The following IGF1R variants were observed in gnomAD, a reference collection of about 807,000 sequenced individuals.
IGF1R encodes insulin-like growth factor 1 receptor.
Under a neutral mutation model 144.6 loss-of-function variants are expected in IGF1R, and 44 were observed. That is an observed-to-expected ratio of 0.30 (90% CI 0.24 to 0.39). The LOEUF (loss-of-function observed/expected upper bound fraction) is 0.39, where lower values mean the gene tolerates loss of function less well. Among genes scored for constraint, IGF1R ranks in the 10% least tolerant of loss-of-function variants. The probability of loss-of-function intolerance (pLI) is 1.00; values close to 1 mark genes in which losing one functional copy is unlikely to be tolerated. For synonymous variants in IGF1R, 795 were observed against 722.8 expected, an observed-to-expected ratio of 1.10 and a Z score of -1.60; for missense variants, 1,355 against 1,833.7, an observed-to-expected ratio of 0.74 and a Z score of 4.77.
chr15:98,831,597 C>T (rs75745937), intron 2 of IGF1R, among the ~76,000 whole-genome samples: 52 of 152,262 alleles, frequency 3.4e-4, no homozygotes, highest in Admixed American at 1.2e-3. Flanking sequence ...AGAGAAAAAC[C>T]TAACAAATTT....
chr15:98,917,137 C>A (rs1197541222), intron 10 of IGF1R, among the ~76,000 whole-genome samples: 2 of 152,174 alleles, frequency 1.3e-5, no homozygotes, highest in East Asian at 1.9e-4. Flanking sequence ...CACAACCCCC[C>A]ACAGAGAGCA....
At chr15:98,838,645 G>T (rs2011126840) in intron 2 of IGF1R, among the ~76,000 whole-genome samples, 1 of 152,206 alleles carries the variant, frequency 6.6e-6, no homozygotes, top group Admixed American at 6.5e-5. Context: ...GATCTAATCA[G>T]GGTATTAACC....
At chr15:98,685,042 A>G (rs1020119942) in intron 1 of IGF1R, among the ~76,000 whole-genome samples, 2 of 151,140 alleles carry the variant, frequency 1.3e-5, no homozygotes, top group South Asian at 4.2e-4. Flanking sequence ...TCCCAGGCTC[A>G]AGGGATCCTC....
intron 1 of IGF1R, among the ~76,000 whole-genome samples, chr15:98,663,547 G>A (rs1225111661): frequency 6.6e-6 from 1 of 152,240 alleles, no homozygotes; most frequent in African/African-American, 2.4e-5. Flanking sequence ...CCCTCCTATT[G>A]TGTTCCTCTC....
rs5814913 is a variant in IGF1R at position 98,934,115 on chromosome 15, C to CT, written c.2957-693dup. ...GTATTAAAGTTACCTAAATATTTCACTTTTTTTTTTTTTTTTGTCTAATCT... is the reference window on the plus strand; with the variant it reads ...GTATTAAAGTTACCTAAATATTTCACTTTTTTTTTTTTTTTTTGTCTAATCT... On this transcript the variant is annotated intron_variant, in intron 15 of 20. Coordinates refer to ENST00000650285, the MANE Select transcript of IGF1R (RefSeq NM_000875.5). Among the ~76,000 whole-genome samples, 283 of 137,530 alleles carry CT rather than the reference C, an allele frequency of 2.1e-3. 1 individual carries two copies. Among genetic ancestry groups the CT allele is most frequent in the African/African-American group, 2.9e-3 (110 of 37,876 alleles). The allele number at this position is 137,530 out of a possible 152,430, so 90.2% of individuals were successfully genotyped here.
At chr15:98,749,418 A>G (rs2054950297) in intron 2 of IGF1R, among the ~76,000 whole-genome samples, 1 of 152,170 alleles carries the variant, frequency 6.6e-6, no homozygotes, top group African/African-American at 2.4e-5. Context: ...TCTTAGAAGT[A>G]TGTTTACCAG....
intron 2 of IGF1R, among the ~76,000 whole-genome samples, chr15:98,852,518 C>T (rs1198964743): frequency 6.6e-6 from 1 of 152,184 alleles, no homozygotes; most frequent in African/African-American, 2.4e-5. Context: ...AAGTGGGCAT[C>T]CCGCAAGGAT....
rs139163109 is a variant in IGF1R, at chr15:98,649,030, C to CAGGAGGAGGAGG, written c.-545_-534dup. On this transcript the variant is annotated 5_prime_UTR_variant, in exon 1 of 21. Transcript: ENST00000650285. Reference sequence around the variant, plus strand: ...GGGAGGAGGCGGCGGCGAGCGGAGCCAGGAGGAGGAGGAGGAGGGGGAGCC... The same window carrying CAGGAGGAGGAGG: ...GGGAGGAGGCGGCGGCGAGCGGAGCCAGGAGGAGGAGGAGGAGGAGGAGGAGGAGGGGGAGCC... The CAGGAGGAGGAGG allele has an allele frequency of 5.7e-5, 12 of 209,900 alleles. No individual in the cohort carries two copies. Among genetic ancestry groups the CAGGAGGAGGAGG allele is most frequent in the Admixed American group, 5.4e-4 (9 of 16,814 alleles). 13.0% of individuals were successfully genotyped at this position (209,900 alleles called of 1,614,324 possible).
chr15:98,778,676 A>C (rs1334420397), intron 2 of IGF1R, among the ~76,000 whole-genome samples: 2 of 152,198 alleles, frequency 1.3e-5, no homozygotes, highest in Non-Finnish European at 2.9e-5. Context: ...GTGAGAAAGT[A>C]AGGCTGCTCC....
chr15:98,896,108 T>C (rs2014181003), intron 3 of IGF1R, among the ~76,000 whole-genome samples: 2 of 152,218 alleles, frequency 1.3e-5, no homozygotes, highest in South Asian at 4.1e-4. Flanking sequence ...GGAAACCCCT[T>C]GCTTTTATTG....
At chr15:98,668,884 C>A (rs942617760) in intron 1 of IGF1R, among the ~76,000 whole-genome samples, 3 of 152,218 alleles carry the variant, frequency 2.0e-5, no homozygotes, top group African/African-American at 7.2e-5. Context: ...ACTGCTGCAG[C>A]CCGCTTCAGA....
intron 1 of IGF1R, among the ~76,000 whole-genome samples, chr15:98,658,487 G>A (rs57907761): frequency 0.01 from 1,523 of 152,248 alleles, 16 homozygotes; most frequent in African/African-American, 0.035. Flanking sequence ...GAAAACCAAA[G>A]TCAGAAAAAT....
intron 2 of IGF1R, among the ~76,000 whole-genome samples, chr15:98,724,664 G>A (rs1015846951): frequency 3.9e-5 from 6 of 152,214 alleles, no homozygotes; most frequent in African/African-American, 1.4e-4. Context: ...AGGAGGTGAT[G>A]ACTGGAGCAC....
chr15:98,939,166 A>C, intron 17 of IGF1R, 35 bp from the exon 18 acceptor site: 5 of 1,604,038 alleles, frequency 3.1e-6, no homozygotes, highest in Non-Finnish European at 4.3e-6. Flanking sequence ...AAAAAATCCA[A>C]AATTCTCATG....
rs1204609633 is a variant in IGF1R at position 98,887,375 on chromosome 15, A to G, written c.641-3950A>G. On this transcript the variant is annotated intron_variant, in intron 2 of 20. Transcript: ENST00000650285. ...AAAATCCCGGCATTGATATTTAGGT[A>G]TAACTATTTGCAAGCAAGTGCAGAG... 2.0e-5 allele frequency among the ~76,000 whole-genome samples: 3 copies of G among 151,918 alleles called. No individual in the cohort carries two copies. In the East Asian group the frequency reaches 5.8e-4, roughly 29 times the overall value.
intron 2 of IGF1R, among the ~76,000 whole-genome samples, chr15:98,728,402 A>G (rs2054417619): frequency 6.6e-6 from 1 of 152,168 alleles, no homozygotes; most frequent in African/African-American, 2.4e-5. Flanking sequence ...GACCCCGGTT[A>G]AGGGGACAGC....
chr15:98,649,233 GC>G lies in IGF1R; in HGVS notation c.-344del, dbSNP rs900879140. On this transcript the variant is annotated 5_prime_UTR_variant, in exon 1 of 21. Coordinates refer to ENST00000650285, the MANE Select transcript of IGF1R (RefSeq NM_000875.5). ...CCTCGCCTAGGCAGATTTGGGCTTT[GC>G]CCCCTTTCTTTGCAGTTTTCCCCCC... 3 of 218,450 alleles carry G rather than the reference GC, an allele frequency of 1.4e-5. No homozygotes were observed. Among genetic ancestry groups the G allele is most frequent in the African/African-American group, 2.3e-5 (1 of 44,318 alleles). The allele number at this position is 218,450 out of a possible 1,614,324, so 13.5% of individuals were successfully genotyped here. A position where few individuals can be genotyped will look rare whatever the true frequency, so the allele number is the denominator to read the frequency against.
Position 98,958,342 on chromosome 15 carries a change from C to T in IGF1R, c.*900C>T. On this transcript the variant is annotated 3_prime_UTR_variant, in exon 21 of 21. Transcript: ENST00000650285. The stretch of plus-strand genomic sequence containing the variant: ...CCCCAAGAATCTGGTGGCCATGGGC[C>T]CCGAAGCAGCCTGGCGGACAGGCTT... The T allele has an allele frequency of 4.5e-6, 1 of 223,028 alleles. No homozygotes were observed. Among genetic ancestry groups the T allele is most frequent in the Non-Finnish European group, 9.0e-6 (1 of 111,426 alleles). 13.8% of individuals were successfully genotyped at this position (223,028 alleles called of 1,614,324 possible).
chr15:98,840,363 T>C (rs2011152718), intron 2 of IGF1R, among the ~76,000 whole-genome samples: 1 of 152,228 alleles, frequency 6.6e-6, no homozygotes, highest in Non-Finnish European at 1.5e-5. Context: ...TCTTCTGTTA[T>C]CATCTAAACC....
Sources: gnomAD v4.1 joint callset for allele counts (sites outside exome capture counted in the v4.1 genomes callset) on GRCh38, gnomAD v4.1.1 for gene constraint, MANE v1.5 for transcripts, NCBI Gene and HGNC (gene_info 2026-07-23, HGNC 2026-07-21) for gene names.